Variants in PDCD10 observed in about 807,000 individuals in gnomAD.
PDCD10 encodes programmed cell death protein 10.
A neutral mutation model predicts 29.2 loss-of-function variants in PDCD10; 4 were observed. The ratio of observed to expected loss-of-function variants is 0.14; its 90% CI spans 0.07 to 0.31. The LOEUF is 0.31. PDCD10 is among the 10% of genes least tolerant of loss of function. PDCD10 has a pLI of 1.00. For missense variants in PDCD10, 183 were observed against 257.9 expected (o/e 0.71, Z 1.99); for synonymous variants, 70 against 82.2 (o/e 0.85, Z 0.80).
intron 6 of PDCD10, among the ~76,000 whole-genome samples, chr3:167,688,557 C>A (rs764331242): frequency 6.6e-6 from 1 of 152,024 alleles, no homozygotes; most frequent in Non-Finnish European, 1.5e-5. Flanking sequence ...TCTAACTAGC[C>A]CCTTTTGATT....
chr3:167,698,249 G>A (rs1217004602), intron 4 of PDCD10, among the ~76,000 whole-genome samples: 1 of 152,188 alleles, frequency 6.6e-6, no homozygotes, highest in East Asian at 1.9e-4. Context: ...CATTTTAAAT[G>A]CTGTCAGATA....
At chr3:167,688,890 G>C (rs1719932152) in intron 6 of PDCD10, among the ~76,000 whole-genome samples, 1 of 151,960 alleles carries the variant, frequency 6.6e-6, no homozygotes. Flanking sequence ...TGTGCATGTG[G>C]GTGTTTCCCA....
chr3:167,733,231 T>C (rs559575188), intron 2 of PDCD10, among the ~76,000 whole-genome samples: 1 of 152,336 alleles, frequency 6.6e-6, no homozygotes, highest in South Asian at 2.1e-4. Context: ...GAGTAAGCCA[T>C]GATTTATTAC....
intron 3 of PDCD10, among the ~76,000 whole-genome samples, chr3:167,705,613 A>T (rs1721896858): frequency 6.6e-6 from 1 of 152,210 alleles, no homozygotes; most frequent in South Asian, 2.1e-4. Context: ...ACTAACTTTA[A>T]GCACAAAGCA....
intron 3 of PDCD10, among the ~76,000 whole-genome samples, chr3:167,714,179 GATCA>G (rs911193839): frequency 6.6e-6 from 1 of 151,976 alleles, no homozygotes; most frequent in African/African-American, 2.4e-5. Flanking sequence ...ACATTAGAAA[GATCA>G]TTCATAATAA....
chr3:167,710,860 G>T (rs1722456039), intron 3 of PDCD10, among the ~76,000 whole-genome samples: 1 of 152,222 alleles, frequency 6.6e-6, no homozygotes. Flanking sequence ...GAGACAGAAA[G>T]AAACTACATT....
Position 167,684,246 on chromosome 3 carries a change from T to G in PDCD10, c.*62A>C. On this transcript the variant is annotated 3_prime_UTR_variant, in exon 9 of 9. Transcript: ENST00000392750. ...TAATTTATACAGTCAAACTTTAAAA[T>G]TTACAGATAAAGGCAGTTCAATACT... 1.1e-6 allele frequency: 1 copy of G among 919,918 alleles called. No homozygotes were observed. The allele number at this position is 919,918 out of a possible 1,614,324, so 57.0% of individuals were successfully genotyped here. A position where few individuals can be genotyped will look rare whatever the true frequency, so the allele number is the denominator to read the frequency against.
At chr3:167,694,898 T>C (rs184542241) in intron 6 of PDCD10, among the ~76,000 whole-genome samples, 4 of 152,384 alleles carry the variant, frequency 2.6e-5, no homozygotes, top group East Asian at 1.9e-4. Flanking sequence ...AAACCATGCA[T>C]TGATAGTGAC....
chr3:167,704,589 C>T (rs527513431), intron 4 of PDCD10: 2 of 301,622 alleles, frequency 6.6e-6, no homozygotes, highest in South Asian at 1.3e-4. Context: ...ATATAATCTA[C>T]AGCTAAGGAG....
At chr3:167,690,084 ATAAC>A (rs1720058221) in intron 6 of PDCD10, among the ~76,000 whole-genome samples, 1 of 152,222 alleles carries the variant, frequency 6.6e-6, no homozygotes. Flanking sequence ...TAAATATCGC[ATAAC>A]TAATGAATGC....
intron 2 of PDCD10, among the ~76,000 whole-genome samples, chr3:167,721,134 C>T (rs1723518566): frequency 6.6e-6 from 1 of 152,074 alleles, no homozygotes; most frequent in African/African-American, 2.4e-5. Flanking sequence ...TAGTGACATA[C>T]ATATATTAAA....
At chr3:167,713,626 T>G (rs1722735758) in intron 3 of PDCD10, among the ~76,000 whole-genome samples, 1 of 151,888 alleles carries the variant, frequency 6.6e-6, no homozygotes, top group South Asian at 2.1e-4. Flanking sequence ...AAAACTTGGT[T>G]TTTTGAAAAG....
At chr3:167,695,511 G>A (rs988467700) in intron 6 of PDCD10, 85 bp downstream of exon 6, 3 of 1,197,594 alleles carry the variant, frequency 2.5e-6, no homozygotes, top group Non-Finnish European at 3.7e-6. Flanking sequence ...TTTCAAGTTA[G>A]TCATACCAAA....
chr3:167,698,546 C>CA (rs1721047019), intron 4 of PDCD10, among the ~76,000 whole-genome samples: 1 of 136,906 alleles, frequency 7.3e-6, no homozygotes, highest in Admixed American at 6.8e-5. Context: ...AAAAACAAAA[C>CA]AAAACAAAAA....
At chr3:167,699,676 CAT>C (rs1409275505) in intron 4 of PDCD10, among the ~76,000 whole-genome samples, 3 of 152,158 alleles carry the variant, frequency 2.0e-5, no homozygotes, top group Non-Finnish European at 4.4e-5. Context: ...AGGGCAGCAA[CAT>C]ACACTCTTGT....
chr3:167,726,225 C>G lies in PDCD10; in HGVS notation c.-116-5952G>C, dbSNP rs117133035. 8.4e-3 allele frequency among the ~76,000 whole-genome samples: 1,242 copies of G among 148,528 alleles called. 38 individuals are homozygous for G. The highest frequency in any genetic ancestry group is 0.061 in the Admixed American group (890 of 14,694). On this transcript the variant is annotated intron_variant, in intron 2 of 8. Transcript: ENST00000392750. ...AAGCGATTCCCCTTCCTCAGCCTCT[C>G]GAGTACTGGGATTATAGGCACCTGC...
intron 3 of PDCD10, among the ~76,000 whole-genome samples, chr3:167,706,852 A>G (rs976432364): frequency 6.6e-6 from 1 of 152,314 alleles, no homozygotes; most frequent in Middle Eastern, 3.4e-3. Flanking sequence ...TCTTAAATCT[A>G]TTTATAATTT....
At chr3:167,721,964 G>T (rs1017470224) in intron 2 of PDCD10, among the ~76,000 whole-genome samples, 3 of 152,110 alleles carry the variant, frequency 2.0e-5, no homozygotes, top group Non-Finnish European at 1.5e-5. Context: ...AAAAGAAGTA[G>T]ATAAATACCA....
At position 167,684,189 on chromosome 3, in the gene PDCD10, A is replaced by C. The variant is rs1038017069; in HGVS notation, c.*119T>G. ...TAAGATGGCAATAATCCCATTCAAC[A>C]TCCTGGATTAGATCCCTTCAGGAGG... is the stretch of plus-strand genomic sequence containing the variant. On this transcript the variant is annotated 3_prime_UTR_variant, in exon 9 of 9. Coordinates refer to ENST00000392750, the MANE Select transcript of PDCD10 (RefSeq NM_007217.4). The C allele has an allele frequency of 8.8e-6, 6 of 683,168 alleles. No individual in the cohort carries two copies. The African/African-American group carries it at 8.8e-5, about 10-fold the overall frequency. 42.3% of individuals were successfully genotyped at this position (683,168 alleles called of 1,614,324 possible).
Sources: allele counts gnomAD v4.1 joint callset (sites outside exome capture counted in the v4.1 genomes callset), GRCh38; gene constraint gnomAD v4.1.1; transcripts MANE v1.5; gene names NCBI Gene and HGNC (gene_info 2026-07-23, HGNC 2026-07-21).